The following DNAH5 variants were observed in gnomAD, a reference collection of about 807,000 sequenced individuals.
DNAH5 encodes axonemal beta dynein heavy chain 5.
DNAH5 carries 372 observed loss-of-function variants against 518.2 expected under a neutral mutation model. The observed-to-expected ratio is 0.72, with a 90% CI of 0.66 to 0.78. The LOEUF is 0.78. Among genes scored for constraint, DNAH5 ranks in the 30% least tolerant of loss-of-function variants. The probability of loss-of-function intolerance (pLI) is 0.00; values close to 1 mark genes in which losing one functional copy is unlikely to be tolerated. For missense variants in DNAH5, 5,523 were observed against 5,687.0 expected (o/e 0.97, Z 0.93); for synonymous variants, 2,039 against 2,025.9 (o/e 1.01, Z -0.17).
intron 1 of DNAH5, among the ~76,000 whole-genome samples, chr5:13,957,469 C>T (rs1477288399): frequency 1.3e-5 from 2 of 152,248 alleles, no homozygotes; most frequent in Middle Eastern, 3.4e-3. Context: ...TCAATTCTAA[C>T]CCACAAGAAA....
chr5:13,854,925 C>CT (rs1457414531), intron 30 of DNAH5, among the ~76,000 whole-genome samples: 4 of 152,078 alleles, frequency 2.6e-5, no homozygotes, highest in Admixed American at 6.6e-5. Flanking sequence ...TAGTGGGAGA[C>CT]TTTTTTTAAC....
intron 23 of DNAH5, 92 bp from the exon 24 acceptor site, chr5:13,871,094 T>C (rs1770037210): frequency 3.3e-6 from 3 of 915,606 alleles, no homozygotes; most frequent in Admixed American, 2.4e-5. Flanking sequence ...GTAAATATTT[T>C]ATAGCTTATT....
At chr5:13,944,980 C>A (rs1415567861), upstream of DNAH5, among the ~76,000 whole-genome samples, 3 of 152,200 alleles carry the variant, frequency 2.0e-5, no homozygotes, top group Non-Finnish European at 4.4e-5. Flanking sequence ...TTTGCAAGCA[C>A]GATGCACTGC....
chr5:13,887,238 T>C (rs950742655), intron 17 of DNAH5, among the ~76,000 whole-genome samples: 13 of 152,206 alleles, frequency 8.5e-5, no homozygotes, highest in Admixed American at 2.6e-4. Flanking sequence ...TAAAATTCCT[T>C]TGTATTGAGG....
intron 28 of DNAH5, among the ~76,000 whole-genome samples, 180 bp from the exon 29 acceptor site, chr5:13,862,927 G>C (rs1244249684): frequency 6.6e-6 from 1 of 151,544 alleles, no homozygotes; most frequent in African/African-American, 2.4e-5. Flanking sequence ...CGCAGATACT[G>C]ATGCATGAAG....
chr5:13,995,938 T>G (rs758350899), intron 1 of DNAH5, among the ~76,000 whole-genome samples: 35 of 152,220 alleles, frequency 2.3e-4, no homozygotes, highest in Non-Finnish European at 5.1e-4. Flanking sequence ...TTTACAGATT[T>G]GTACCCTACA....
intron 1 of DNAH5, among the ~76,000 whole-genome samples, chr5:13,950,889 T>C (rs1241128383): frequency 2.0e-5 from 3 of 152,208 alleles, no homozygotes; most frequent in African/African-American, 7.2e-5. Context: ...AGCTTGTTTG[T>C]AGTTATCATC....
rs777303722 is a variant in DNAH5, at chr5:13,717,412, G to A, written c.12608C>T (p.Ala4203Val). The change falls in exon 73 of 79, where the codon GCC (alanine) becomes GTC (valine). Residue 4203 changes from alanine (A) to valine (V), a missense_variant. Physicochemically the swap from Ala to Val is moderately conservative, Grantham distance 64. Coordinates refer to ENST00000265104, the MANE Select transcript of DNAH5 (RefSeq NM_001369.3). ...TTCGTAGGGGATATTCCACCCCAGGGCACCGAACTTGCGCCTCTCCTGGAC... is the reference window on the plus strand; with the variant it reads ...TTCGTAGGGGATATTCCACCCCAGGACACCGAACTTGCGCCTCTCCTGGAC... ...STVQERRKFG[A>V]LGWNIPYEFN... The A allele has an allele frequency of 5.6e-6, 9 of 1,614,078 alleles. No individual in the cohort carries two copies. The Admixed American group carries it at 1.2e-4, about 21-fold the overall frequency.
chr5:13,963,382 A>C (rs1479673225), intron 1 of DNAH5, among the ~76,000 whole-genome samples: 4 of 152,138 alleles, frequency 2.6e-5, no homozygotes, highest in Non-Finnish European at 5.9e-5. Context: ...GTTCGAGACC[A>C]GCCTGGCCAA....
rs1166559235 is a variant in DNAH5, at chr5:13,882,689, T to C, written c.3262+39A>G. 7 of 1,491,044 alleles carry C rather than the reference T, an allele frequency of 4.7e-6. No homozygotes were observed. The Admixed American group carries it at 6.7e-5, about 14-fold the overall frequency. The allele number at this position is 1,491,044 out of a possible 1,614,324, so 92.4% of individuals were successfully genotyped here. A position where few individuals can be genotyped will look rare whatever the true frequency, so the allele number is the denominator to read the frequency against. ...AACATTTAAGCTCAATGAATGTTGA[T>C]TTACAATGCCTCTTTTAAAAGACTA... On this transcript the variant is annotated intron_variant, in intron 21 of 78. Transcript: ENST00000265104.
intron 1 of DNAH5, among the ~76,000 whole-genome samples, chr5:14,001,906 T>A (rs1221840300): frequency 6.6e-6 from 1 of 151,592 alleles, no homozygotes; most frequent in Non-Finnish European, 1.5e-5. Flanking sequence ...TGGTGTTAAT[T>A]TGTTTTTTTT....
At chr5:13,718,826 G>C in intron 72 of DNAH5, 56 bp downstream of exon 72, 1 of 1,438,972 alleles carries the variant, frequency 6.9e-7, no homozygotes, top group Non-Finnish European at 9.8e-7. Flanking sequence ...AATTTTTTTA[G>C]GAAAACAATT....
At chr5:13,731,514 T>C (rs1294778152) in intron 68 of DNAH5, among the ~76,000 whole-genome samples, 2 of 152,166 alleles carry the variant, frequency 1.3e-5, no homozygotes, top group South Asian at 2.1e-4. Context: ...TGATTGTAAC[T>C]TGGGGGAGAG....
At chr5:13,978,566 T>C (rs1782444863) in intron 1 of DNAH5, among the ~76,000 whole-genome samples, 1 of 152,226 alleles carries the variant, frequency 6.6e-6, no homozygotes, top group Admixed American at 6.5e-5. Context: ...ATGGACTGCA[T>C]ACATGACAGT....
chr5:13,808,124 G>T lies in DNAH5; in HGVS notation c.7753-399C>A, dbSNP rs1759941464. Among the ~76,000 whole-genome samples the T allele has an allele frequency of 2.0e-5, 3 of 151,588 alleles. No individual in the cohort carries two copies. In the South Asian group the frequency reaches 6.3e-4, roughly 32 times the overall value. On this transcript the variant is annotated intron_variant, in intron 46 of 78. Coordinates refer to ENST00000265104, the MANE Select transcript of DNAH5 (RefSeq NM_001369.3). The stretch of plus-strand genomic sequence containing the variant: ...GTGCACCTGTAATCCCAGCTACTTG[G>T]GAGGCTGAGGCAGGAGAATTGCTTG...
chr5:13,960,439 A>G (rs2152045945), intron 1 of DNAH5, among the ~76,000 whole-genome samples: 1 of 152,340 alleles, frequency 6.6e-6, no homozygotes, highest in African/African-American at 2.4e-5. Flanking sequence ...GCTCATGTGC[A>G]AAAACTGGCC....
At chr5:13,718,000 A>G (rs577926227) in intron 72 of DNAH5, among the ~76,000 whole-genome samples, 2 of 152,102 alleles carry the variant, frequency 1.3e-5, no homozygotes, top group African/African-American at 4.8e-5. Context: ...CATATACTAT[A>G]TTGTATATAT....
chr5:13,785,387 C>G (rs552443164), intron 52 of DNAH5, among the ~76,000 whole-genome samples: 1 of 152,272 alleles, frequency 6.6e-6, no homozygotes, highest in South Asian at 2.1e-4. Flanking sequence ...CTGGGAACCC[C>G]TTCTCATATG....
intron 15 of DNAH5, chr5:13,899,948 C>T (rs868293931): frequency 2.0e-6 from 1 of 491,476 alleles, no homozygotes; most frequent in South Asian, 2.7e-5. Context: ...AGAGATCGTG[C>T]CTTTTTCAGT....
Sources: allele counts gnomAD v4.1 joint callset (sites outside exome capture counted in the v4.1 genomes callset), GRCh38; gene constraint gnomAD v4.1.1; transcripts MANE v1.5; gene names NCBI Gene and HGNC (gene_info 2026-07-23, HGNC 2026-07-21).